The following PNN variants were observed in gnomAD, a reference collection of about 807,000 sequenced individuals.
PNN encodes the protein pinin, desmosome associated protein.
A neutral mutation model predicts 76.6 loss-of-function variants in PNN; 38 were observed. That is an observed-to-expected ratio of 0.50 (90% CI 0.38 to 0.65). The LOEUF (loss-of-function observed/expected upper bound fraction) is 0.65. Ranked by LOEUF, PNN falls within the 30% of genes least tolerant of loss-of-function variation. The pLI is 0.00. For missense variants in PNN, 873 were observed against 874.1 expected (o/e 1.00, Z 0.02); for synonymous variants, 366 against 283.7 (o/e 1.29, Z -2.91).
intron 1 of PNN, 98 bp from the exon 2 acceptor site, chr14:39,175,980 G>T: frequency 1.5e-6 from 1 of 685,046 alleles, no homozygotes; most frequent in East Asian, 2.6e-5. Flanking sequence ...TGGAACTTTT[G>T]TGATTTTTTC....
Position 39,177,479 on chromosome 14 carries a change from A to C in PNN, c.322A>C (p.Lys108Gln). The C allele has an allele frequency of 6.2e-7, 1 of 1,613,292 alleles. No individual in the cohort carries two copies. Among genetic ancestry groups the C allele is most frequent in the Non-Finnish European group, 8.5e-7 (1 of 1,179,232 alleles). The change falls in exon 4 of 9, where the codon AAA becomes CAA. Residue 108 changes from lysine to glutamine, a missense_variant. Around this residue, in one of 3 missense-constraint regions of PNN, gnomAD observed 156 missense variants for 161.7 expected, o/e 0.96. Transcript: ENST00000216832. Reference protein sequence around the residue: ...QESDPEDDDVKKPALQSSVVA... With the variant: ...QESDPEDDDVQKPALQSSVVA... ...AAGCGACCCGGAGGATGATGATGTTAAAAAGGTATTGAGATTGAAAGAACT... is the reference window on the plus strand; with the variant it reads ...AAGCGACCCGGAGGATGATGATGTTCAAAAGGTATTGAGATTGAAAGAACT...
rs764065502 is a variant in PNN, at chr14:39,176,172, C to G, written c.185+23C>G. 5.8e-6 allele frequency: 8 copies of G among 1,368,788 alleles called. No individual in the cohort carries two copies. The South Asian group carries it at 8.2e-5, about 14-fold the overall frequency. 84.8% of individuals were successfully genotyped at this position (1,368,788 alleles called of 1,614,324 possible). A position where few individuals can be genotyped will look rare whatever the true frequency, so the allele number is the denominator to read the frequency against. Reference sequence around the variant, plus strand: ...GAGGTAAGATTTCCTTTGGACTTTACTCATGCTGAAACTACTGGTACTTTA... The same window carrying G: ...GAGGTAAGATTTCCTTTGGACTTTAGTCATGCTGAAACTACTGGTACTTTA... On this transcript the variant is annotated intron_variant, in intron 2 of 8. Coordinates refer to ENST00000216832, the MANE Select transcript of PNN (RefSeq NM_002687.4).
intron 1 of PNN, 57 bp from the exon 2 acceptor site, chr14:39,176,021 G>T: frequency 1.1e-6 from 1 of 873,080 alleles, no homozygotes; most frequent in Non-Finnish European, 1.9e-6. Context: ...GAAAGTATTT[G>T]GGTGCGACTG....
intron 3 of PNN, among the ~76,000 whole-genome samples, chr14:39,177,118 C>T (rs2053232741): frequency 6.6e-6 from 1 of 152,204 alleles, no homozygotes; most frequent in African/African-American, 2.4e-5. Context: ...GGCACAGTGG[C>T]TCATCCCTGT....
In PNN at chr14:39,175,733, C is replaced by T. The variant is rs1555258; in HGVS notation, c.113+341C>T. 2,754 of 462,386 alleles carry T rather than the reference C, an allele frequency of 6.0e-3. 67 individuals carry two copies. Among genetic ancestry groups the T allele is most frequent in the African/African-American group, 0.05 (2,423 of 48,864 alleles). The allele number at this position is 462,386 out of a possible 1,614,324, so 28.6% of individuals were successfully genotyped here. A position where few individuals can be genotyped will look rare whatever the true frequency, so the allele number is the denominator to read the frequency against. ...TTCCCGCTCCGGCGGACACCCGGCC[C>T]GTTGCTGGCCCCGAGACCCTGCCGG... is the stretch of plus-strand genomic sequence containing the variant. On this transcript the variant is annotated intron_variant, in intron 1 of 8. Transcript: ENST00000216832.
At chr14:39,175,450 G>T in intron 1 of PNN, 58 bp downstream of exon 1, 1 of 1,044,208 alleles carries the variant, frequency 9.6e-7, no homozygotes, top group Non-Finnish European at 1.5e-6. Context: ...CTCAGGTCGG[G>T]GTGAATTGGG....
At chr14:39,175,751 C>A in intron 1 of PNN, 1 of 465,830 alleles carries the variant, frequency 2.1e-6, no homozygotes, top group Non-Finnish European at 3.8e-6. Flanking sequence ...GCCCCGAGAC[C>A]CTGCCGGGAC....
chr14:39,182,099 A>G lies in PNN; in HGVS notation c.*236A>G, dbSNP rs1320805701. 2.5e-6 allele frequency: 1 copy of G among 399,200 alleles called. No individual in the cohort carries two copies. The highest frequency in any genetic ancestry group is 4.4e-6 in the Non-Finnish European group (1 of 225,198). The allele number at this position is 399,200 out of a possible 1,614,324, so 24.7% of individuals were successfully genotyped here. ...AAATATGTAAAAATGATAATAATAA[A>G]AAAAGATTAACATCCCTTGTCATCT... On this transcript the variant is annotated 3_prime_UTR_variant, in exon 9 of 9. Transcript: ENST00000216832.
At chr14:39,180,095 A>G (rs1001261658) in intron 8 of PNN, among the ~76,000 whole-genome samples, 1 of 152,198 alleles carries the variant, frequency 6.6e-6, no homozygotes, top group African/African-American at 2.4e-5. Flanking sequence ...AAATGTGAAA[A>G]CCAACTCAGT....
In PNN at chr14:39,181,066, G is replaced by T. The variant is rs1566559207; in HGVS notation, c.1357G>T (p.Asp453Tyr). 6.2e-7 allele frequency: 1 copy of T among 1,613,866 alleles called. No homozygotes were observed. The highest frequency in any genetic ancestry group is 8.5e-7 in the Non-Finnish European group (1 of 1,179,914). The part of the protein sequence containing the change: ...SPGKENVSAL[D>Y]MEKESEEKEE... ...TGGGAAAGAGAATGTCAGTGCTTTA[G>T]ACATGGAAAAGGAGTCTGAGGAAAA... is the stretch of plus-strand genomic sequence containing the variant. Residue 453 changes from aspartate (D) to tyrosine (Y), a missense_variant, in exon 9 of 9, where the codon GAC becomes TAC. This residue lies in a region of PNN where 712 missense variants were observed against 693.1 expected (regional missense o/e 1.03). Transcript: ENST00000216832.
intron 1 of PNN, 37 bp from the exon 2 acceptor site, chr14:39,176,041 A>G (rs774079224): frequency 7.0e-6 from 8 of 1,142,708 alleles, no homozygotes; most frequent in South Asian, 1.3e-5. Context: ...GTGTGTGTCT[A>G]CATATGATTT....
chr14:39,176,460 C>A, intron 2 of PNN, 67 bp from the exon 3 acceptor site: 1 of 1,217,420 alleles, frequency 8.2e-7, no homozygotes, highest in Non-Finnish European at 1.2e-6. Context: ...ACCATATTCT[C>A]TTGTCAAATG....
chr14:39,176,486 T>C, intron 2 of PNN, 41 bp from the exon 3 acceptor site: 1 of 1,385,574 alleles, frequency 7.2e-7, no homozygotes, highest in Non-Finnish European at 1.0e-6. Flanking sequence ...ACCATTTATC[T>C]TGTATTTCAA....
At position 39,179,314 on chromosome 14, in the gene PNN, T is replaced by G. The variant is rs552607379; in HGVS notation, c.655-10T>G. 1.9e-5 allele frequency: 31 copies of G among 1,608,682 alleles called. No individual in the cohort carries two copies. The African/African-American group carries it at 3.5e-4, about 18-fold the overall frequency. On this transcript the variant is annotated splice_polypyrimidine_tract_variant and intron_variant, in intron 7 of 8. Coordinates refer to ENST00000216832, the MANE Select transcript of PNN (RefSeq NM_002687.4). Reference sequence around the variant, plus strand: ...TTTACAAAAGCACTGACCCTTTACCTTTTCTTTAGCAAGAAGAATGGAATG... The same window carrying G: ...TTTACAAAAGCACTGACCCTTTACCGTTTCTTTAGCAAGAAGAATGGAATG...
intron 8 of PNN, among the ~76,000 whole-genome samples, chr14:39,180,268 G>A (rs1302137665): frequency 6.6e-6 from 1 of 152,140 alleles, no homozygotes; most frequent in African/African-American, 2.4e-5. Context: ...TTCTTCATCA[G>A]TTAGAAAATG....
rs761140072 is a variant in PNN, at chr14:39,181,693, A to G, written c.1984A>G (p.Arg662Gly). 15 of 1,614,050 alleles carry G rather than the reference A, an allele frequency of 9.3e-6. No homozygotes were observed. The highest frequency in any genetic ancestry group is 2.2e-5 in the East Asian group (1 of 44,898). Reference protein sequence around the residue: ...RKRRDTSGLERSHKSSKGGSS... With the variant: ...RKRRDTSGLEGSHKSSKGGSS... ...GAGAAGGGATACTTCAGGACTAGAA[A>G]GAAGTCACAAATCTTCAAAAGGTGG... is the stretch of plus-strand genomic sequence containing the variant. Residue 662 changes from arginine to glycine, a missense_variant, in exon 9 of 9, where the codon AGA becomes GGA. Arg to Gly is a moderately radical substitution (Grantham distance 125). This residue lies in a region of PNN where 712 missense variants were observed against 693.1 expected (regional missense o/e 1.03). Coordinates refer to ENST00000216832, the MANE Select transcript of PNN (RefSeq NM_002687.4).
Position 39,177,835 on chromosome 14 carries a change from C to CT in PNN, c.423-3dup. 2 of 1,605,974 alleles carry CT rather than the reference C, an allele frequency of 1.2e-6. No homozygotes were observed. Among genetic ancestry groups the CT allele is most frequent in the South Asian group, 1.1e-5 (1 of 90,632 alleles). ...TGACAGTAAATTTTCTTATTCTGTT[C>CT]TTTAGGAACCGGCGAATATTTGGCT... On this transcript the variant is annotated splice_polypyrimidine_tract_variant and splice_region_variant and intron_variant, in intron 5 of 8. Transcript: ENST00000216832.
At chr14:39,178,971 A>C in intron 6 of PNN, 120 bp from the exon 7 acceptor site, 1 of 878,942 alleles carries the variant, frequency 1.1e-6, no homozygotes. Flanking sequence ...ACCTGCCTCT[A>C]ATGTTTCACG....
At position 39,177,575 on chromosome 14, in the gene PNN, G is replaced by T. The variant is rs199884068; in HGVS notation, c.328-18G>T. ...ACTCATATGCTAGTTAAATTACTGAGATTTTCTTTTTCTGCAGCCAGCATT... is the reference window on the plus strand; with the variant it reads ...ACTCATATGCTAGTTAAATTACTGATATTTTCTTTTTCTGCAGCCAGCATT... On this transcript the variant is annotated intron_variant, in intron 4 of 8. Transcript: ENST00000216832. The T allele has an allele frequency of 4.3e-5, 70 of 1,610,864 alleles. No homozygotes were observed. The East Asian group carries it at 1.4e-3, about 33-fold the overall frequency.
Sources: gnomAD v4.1 joint callset for allele counts (sites outside exome capture counted in the v4.1 genomes callset) on GRCh38, gnomAD v4.1.1 for gene constraint, gnomAD v4.1.1 regional missense constraint, MANE v1.5 for transcripts, NCBI Gene and HGNC (gene_info 2026-07-23, HGNC 2026-07-21) for gene names.